The following PARN variants were observed in gnomAD, a reference collection of about 807,000 sequenced individuals.
PARN encodes poly(A)-specific ribonuclease.
PARN carries 71 observed loss-of-function variants against 102.8 expected under a neutral mutation model. That is an observed-to-expected ratio of 0.69 (90% CI 0.57 to 0.84). PARN has a LOEUF of 0.84. Ranked by LOEUF, PARN falls within the 40% of genes least tolerant of loss-of-function variation. PARN has a pLI of 0.00. For missense variants in PARN, 782 were observed against 760.9 expected, an observed-to-expected ratio of 1.03 and a Z score of -0.33; for synonymous variants, 261 against 252.9, an observed-to-expected ratio of 1.03 and a Z score of -0.30.
At position 14,443,724 on chromosome 16, in the gene PARN, G is replaced by A. The variant is rs1229548010; in HGVS notation, c.1864+3164C>T. Among the ~76,000 whole-genome samples the A allele has an allele frequency of 9.2e-5, 14 of 152,176 alleles. No individual in the cohort carries two copies. The East Asian group carries it at 1.2e-3, about 13-fold the overall frequency. On this transcript the variant is annotated intron_variant, in intron 23 of 23. Transcript: ENST00000437198. ...TTGCTACAACATAGGATATTCCAGCGTCCTAATTTTTGCTACTTCCTCCTT... is the reference window on the plus strand; with the variant it reads ...TTGCTACAACATAGGATATTCCAGCATCCTAATTTTTGCTACTTCCTCCTT...
chr16:14,573,647 A>C (rs968034868), intron 18 of PARN, among the ~76,000 whole-genome samples: 1 of 152,178 alleles, frequency 6.6e-6, no homozygotes, highest in Non-Finnish European at 1.5e-5. Flanking sequence ...CAATTCCTAC[A>C]TGTTGTGGGA....
At chr16:14,485,313 T>G (rs200878794) in intron 21 of PARN, among the ~76,000 whole-genome samples, 1 of 152,252 alleles carries the variant, frequency 6.6e-6, no homozygotes, top group East Asian at 1.9e-4. Flanking sequence ...TCTGTTATTT[T>G]TCACTCATTT....
At chr16:14,509,186 G>A (rs1965059179) in intron 21 of PARN, among the ~76,000 whole-genome samples, 2 of 152,080 alleles carry the variant, frequency 1.3e-5, no homozygotes, top group African/African-American at 4.8e-5. Flanking sequence ...GCTTGTTTGA[G>A]AAGTTGCCTA....
intron 21 of PARN, among the ~76,000 whole-genome samples, chr16:14,495,241 C>T (rs1964251187): frequency 6.6e-6 from 1 of 152,072 alleles, no homozygotes; most frequent in Admixed American, 6.5e-5. Context: ...GTCGCCAGCA[C>T]TTTGGGAGGA....
chr16:14,531,380 A>T (rs1330607651), intron 21 of PARN, among the ~76,000 whole-genome samples: 1 of 151,934 alleles, frequency 6.6e-6, no homozygotes, highest in Admixed American at 6.6e-5. Flanking sequence ...AAAACAGATG[A>T]ATCCATCTAA....
At chr16:14,445,203 C>T (rs141614200) in intron 23 of PARN, among the ~76,000 whole-genome samples, 1 of 152,192 alleles carries the variant, frequency 6.6e-6, no homozygotes, top group East Asian at 1.9e-4. Flanking sequence ...ACAGCTAAAA[C>T]ATCCAATCCA....
chr16:14,470,439 T>TGA (rs201359113), intron 22 of PARN, among the ~76,000 whole-genome samples: 8,488 of 102,888 alleles, frequency 0.082, 556 homozygotes, highest in African/African-American at 0.19. Flanking sequence ...GTTTGGATGA[T>TGA]TATTATTATT....
intron 21 of PARN, among the ~76,000 whole-genome samples, chr16:14,507,447 A>C (rs1467350503): frequency 6.6e-6 from 1 of 152,136 alleles, no homozygotes; most frequent in African/African-American, 2.4e-5. Flanking sequence ...CTGTAATCCC[A>C]GCATTTTGGG....
At chr16:14,505,604 G>A (rs1567330538) in intron 21 of PARN, among the ~76,000 whole-genome samples, 1 of 152,028 alleles carries the variant, frequency 6.6e-6, no homozygotes, top group African/African-American at 2.4e-5. Context: ...TGAGGGGAGG[G>A]GGAAGATACC....
intron 21 of PARN, among the ~76,000 whole-genome samples, chr16:14,551,020 G>A (rs1660627585): frequency 6.6e-6 from 1 of 151,428 alleles, no homozygotes; most frequent in South Asian, 2.1e-4. Context: ...GAGTGCAGTG[G>A]GTGCGGATGT....
chr16:14,533,265 G>C (rs976996697), intron 21 of PARN, among the ~76,000 whole-genome samples: 6 of 152,138 alleles, frequency 3.9e-5, no homozygotes, highest in African/African-American at 1.4e-4. Context: ...AACCAGTCAG[G>C]CGTGGCGGCG....
chr16:14,578,199 C>T (rs1437434841), intron 18 of PARN, among the ~76,000 whole-genome samples: 2 of 148,770 alleles, frequency 1.3e-5, no homozygotes, highest in Admixed American at 6.7e-5. Flanking sequence ...CGTGGTGGTA[C>T]GAGCCTGTAG....
intron 22 of PARN, among the ~76,000 whole-genome samples, chr16:14,477,374 G>A (rs748716418): frequency 6.6e-6 from 1 of 151,268 alleles, no homozygotes; most frequent in Non-Finnish European, 1.5e-5. Context: ...CAGGGAGTTG[G>A]AGGTTACAGT....
At chr16:14,549,299 A>T (rs907809352) in intron 21 of PARN, among the ~76,000 whole-genome samples, 5 of 152,228 alleles carry the variant, frequency 3.3e-5, no homozygotes, top group African/African-American at 9.6e-5. Context: ...AAAATATCAC[A>T]ATTTCATCTT....
chr16:14,593,599 G>A (rs1430654293), intron 12 of PARN, among the ~76,000 whole-genome samples: 1 of 146,926 alleles, frequency 6.8e-6, no homozygotes, highest in African/African-American at 2.5e-5. Flanking sequence ...CAAAGTGAAA[G>A]CACAAATGAC....
intron 21 of PARN, among the ~76,000 whole-genome samples, chr16:14,521,655 G>C (rs563408435): frequency 6.6e-6 from 1 of 152,094 alleles, no homozygotes; most frequent in African/African-American, 2.4e-5. Flanking sequence ...AGAATTAGCA[G>C]GGTGTAGTGG....
intron 21 of PARN, among the ~76,000 whole-genome samples, chr16:14,546,025 A>G (rs900563034): frequency 2.6e-5 from 4 of 152,232 alleles, no homozygotes; most frequent in African/African-American, 7.2e-5. Context: ...GAACACAGCC[A>G]AAAGCGTTCT....
chr16:14,439,620 T>A (rs1446808519), intron 23 of PARN, among the ~76,000 whole-genome samples: 1 of 152,168 alleles, frequency 6.6e-6, no homozygotes, highest in African/African-American at 2.4e-5. Flanking sequence ...TATGCAAAGA[T>A]TTTTTAGATA....
At chr16:14,515,170 T>A (rs1230720842) in intron 21 of PARN, among the ~76,000 whole-genome samples, 2 of 152,172 alleles carry the variant, frequency 1.3e-5, no homozygotes, top group Admixed American at 6.5e-5. Flanking sequence ...TGAGATGGGA[T>A]CTTGCTATAT....
Sources: gnomAD v4.1 joint callset for allele counts (sites outside exome capture counted in the v4.1 genomes callset) on GRCh38, gnomAD v4.1.1 for gene constraint, MANE v1.5 for transcripts, NCBI Gene and HGNC (gene_info 2026-07-23, HGNC 2026-07-21) for gene names.